Variants in SFSWAP observed in about 807,000 individuals in gnomAD.
SFSWAP encodes the protein splicing factor, suppressor of white-apricot homolog.
Under a neutral mutation model 100.7 loss-of-function variants are expected in SFSWAP, and 17 were observed. The ratio of observed to expected loss-of-function variants is 0.17; its 90% CI spans 0.12 to 0.25. SFSWAP has a LOEUF of 0.25. SFSWAP is among the 10% of genes least tolerant of loss of function. The pLI is 1.00. For missense variants in SFSWAP, 1,005 were observed against 1,262.6 expected (o/e 0.80, Z 3.09); for synonymous variants, 504 against 510.1 (o/e 0.99, Z 0.16).
At chr12:131,782,874 T>C (rs912828670) in intron 14 of SFSWAP, among the ~76,000 whole-genome samples, 1 of 152,146 alleles carries the variant, frequency 6.6e-6, no homozygotes, top group Non-Finnish European at 1.5e-5. Flanking sequence ...CAAGGTAGTA[T>C]TTAGTGTCTT....
chr12:131,770,729 C>A (rs1183544802), intron 13 of SFSWAP, among the ~76,000 whole-genome samples: 1 of 152,084 alleles, frequency 6.6e-6, no homozygotes, highest in Non-Finnish European at 1.5e-5. Context: ...CCGTTTTTAA[C>A]TGTGCAGTTT....
At chr12:131,777,556 G>A (rs977810063) in intron 13 of SFSWAP, among the ~76,000 whole-genome samples, 10 of 152,282 alleles carry the variant, frequency 6.6e-5, no homozygotes, top group African/African-American at 2.2e-4. Context: ...TTGGACGTTT[G>A]CGTTGGTTCG....
intron 11 of SFSWAP, among the ~76,000 whole-genome samples, chr12:131,761,272 A>G (rs1236335229): frequency 2.0e-5 from 3 of 152,240 alleles, no homozygotes; most frequent in Non-Finnish European, 2.9e-5. Flanking sequence ...GAAGTTAGCA[A>G]TAAGAGTTGT....
rs1177232285 is a variant in SFSWAP, at chr12:131,753,299, C to T, written c.1258C>T (p.Pro420Ser). ...TTAPPPPGTT[P>S]LPPPTTAETS... is the part of the protein sequence containing the mutation. ...CGCCCCACCACCTCCTGGGACCACA[C>T]CACTACCGCCCCCAACCACAGCAGA... Residue 420 changes from proline to serine, a missense_variant, in exon 8 of 18, where the codon CCA becomes TCA. Transcript: ENST00000261674. 7 of 1,611,264 alleles carry T rather than the reference C, an allele frequency of 4.3e-6. No individual in the cohort carries two copies. The highest frequency in any genetic ancestry group is 5.9e-6 in the Non-Finnish European group (7 of 1,177,578).
chr12:131,747,030 G>C (rs1881187402), intron 7 of SFSWAP, among the ~76,000 whole-genome samples: 1 of 151,080 alleles, frequency 6.6e-6, no homozygotes, highest in African/African-American at 2.4e-5. Context: ...CATCAACCCG[G>C]GAGGCAGAGC....
In SFSWAP at chr12:131,754,388, C is replaced by T. The variant is rs1317376651; in HGVS notation, c.1343C>T (p.Ala448Val). The change falls in exon 9 of 18, where the codon GCC becomes GTC. Residue 448 changes from alanine (A) to valine (V), a missense_variant. Coordinates refer to ENST00000261674, the MANE Select transcript of SFSWAP (RefSeq NM_004592.4). The stretch of plus-strand genomic sequence containing the variant: ...TGCAGTGCACTTGCCCCCGTGGCCG[C>T]CATCATCCCCCCGCCCCCCGACGTC... Reference protein sequence around the residue: ...TTTSALAPVAAIIPPPPDVQP... With the variant: ...TTTSALAPVAVIIPPPPDVQP... The T allele has an allele frequency of 5.7e-6, 9 of 1,584,248 alleles. No individual in the cohort carries two copies. The highest frequency in any genetic ancestry group is 1.7e-4 in the Middle Eastern group (1 of 5,956).
intron 15 of SFSWAP, 112 bp downstream of exon 15, chr12:131,786,700 G>C: frequency 8.3e-7 from 1 of 1,198,270 alleles, no homozygotes; most frequent in Middle Eastern, 2.6e-4. Context: ...ACCAGAGGGA[G>C]GTGCTGAGTC....
chr12:131,786,551 C>T lies in SFSWAP; in HGVS notation c.2497C>T (p.Arg833Cys), dbSNP rs941013615. ...TGTGCCCACTGCCTACCGCGTGAGC[C>T]GCAGCCCTGGGGCCAGTAGGAAGCG... is the stretch of plus-strand genomic sequence containing the variant. ...RSVPTAYRVS[R>C]SPGASRKRTR... Residue 833 changes from arginine (R) to cysteine (C), a missense_variant, in exon 15 of 18, where the codon CGC becomes TGC. Physicochemically the swap from Arg to Cys is radical, Grantham distance 180. Transcript: ENST00000261674. The T allele has an allele frequency of 5.7e-6, 9 of 1,588,084 alleles. No homozygotes were observed. The highest frequency in any genetic ancestry group is 2.0e-4 in the Middle Eastern group (1 of 4,934).
At chr12:131,722,792 G>GA (rs1363446306) in intron 4 of SFSWAP, among the ~76,000 whole-genome samples, 3 of 151,798 alleles carry the variant, frequency 2.0e-5, no homozygotes, top group Non-Finnish European at 2.9e-5. Context: ...TACAAAAAAT[G>GA]AAAAAAATTA....
At chr12:131,749,645 G>A (rs1566025522) in intron 7 of SFSWAP, among the ~76,000 whole-genome samples, 1 of 152,188 alleles carries the variant, frequency 6.6e-6, no homozygotes, top group African/African-American at 2.4e-5. Context: ...GCAGCTTCAT[G>A]GTCACTGCAG....
At chr12:131,779,083 G>A (rs1170979631) in intron 14 of SFSWAP, among the ~76,000 whole-genome samples, 6 of 149,520 alleles carry the variant, frequency 4.0e-5, no homozygotes, top group Non-Finnish European at 7.5e-5. Flanking sequence ...CGCACTCACC[G>A]GCACCGCACT....
chr12:131,762,410 C>G (rs1472286674), intron 11 of SFSWAP, among the ~76,000 whole-genome samples: 2 of 151,644 alleles, frequency 1.3e-5, no homozygotes, highest in Non-Finnish European at 2.9e-5. Context: ...AACCCTTTCT[C>G]AAAAAAAATA....
At position 131,729,289 on chromosome 12, in the gene SFSWAP, C is replaced by T. The variant is rs1384683196; in HGVS notation, c.1081+861C>T. Among the ~76,000 whole-genome samples the T allele has an allele frequency of 3.9e-5, 6 of 151,932 alleles. No homozygotes were observed. The South Asian group carries it at 6.2e-4, about 16-fold the overall frequency. On this transcript the variant is annotated intron_variant, in intron 7 of 17. Transcript: ENST00000261674. The stretch of plus-strand genomic sequence containing the variant: ...GAGGCTGAGGTGGGAGGATCACTTA[C>T]GCACAGGAGTTTGAGACCAGCCTGG...
At chr12:131,758,921 C>T (rs560762309) in intron 11 of SFSWAP, among the ~76,000 whole-genome samples, 8 of 152,132 alleles carry the variant, frequency 5.3e-5, no homozygotes, top group African/African-American at 1.9e-4. Context: ...CATGTCTCTA[C>T]AAAAAATTAA....
intron 7 of SFSWAP, 24 bp from the exon 8 acceptor site, chr12:131,753,099 C>T: frequency 2.5e-6 from 4 of 1,613,338 alleles, no homozygotes; most frequent in Non-Finnish European, 3.4e-6. Context: ...GCCATGCTCA[C>T]TCCGGGGCAA....
chr12:131,757,758 A>G lies in SFSWAP; in HGVS notation c.1720+1114A>G, dbSNP rs534169603. ...TGAACCGCTAACTAGGCAATTCACTATATGTGTCTTTGGGCCTCTCATTCG... is the reference window on the plus strand; with the variant it reads ...TGAACCGCTAACTAGGCAATTCACTGTATGTGTCTTTGGGCCTCTCATTCG... On this transcript the variant is annotated intron_variant, in intron 11 of 17. Coordinates refer to ENST00000261674, the MANE Select transcript of SFSWAP (RefSeq NM_004592.4). Among the ~76,000 whole-genome samples, 5 of 152,284 alleles carry G rather than the reference A, an allele frequency of 3.3e-5. No homozygotes were observed. The East Asian group carries it at 7.7e-4, about 24-fold the overall frequency.
At chr12:131,762,408 C>A (rs1231417674) in intron 11 of SFSWAP, among the ~76,000 whole-genome samples, 3 of 152,040 alleles carry the variant, frequency 2.0e-5, no homozygotes, top group African/African-American at 7.2e-5. Flanking sequence ...GAAACCCTTT[C>A]TCAAAAAAAA....
At chr12:131,769,666 G>T (rs1214495294) in intron 13 of SFSWAP, among the ~76,000 whole-genome samples, 2 of 151,494 alleles carry the variant, frequency 1.3e-5, no homozygotes, top group East Asian at 3.9e-4. Flanking sequence ...TTGCTCTCTC[G>T]CCCAGGCTGG....
intron 11 of SFSWAP, chr12:131,757,214 G>A (rs1882254281): frequency 6.5e-6 from 1 of 153,184 alleles, no homozygotes; most frequent in Admixed American, 6.5e-5. Context: ...CCGCGGGAGG[G>A]AGGTTCTGTG....
Sources: gnomAD v4.1 joint callset for allele counts (sites outside exome capture counted in the v4.1 genomes callset) on GRCh38, gnomAD v4.1.1 for gene constraint, MANE v1.5 for transcripts, NCBI Gene and HGNC (gene_info 2026-07-23, HGNC 2026-07-21) for gene names.